Variants in SLC4A4 observed in about 807,000 individuals in gnomAD.
SLC4A4 encodes electrogenic sodium bicarbonate cotransporter 1.
In SLC4A4, 27 loss-of-function variants were observed where a neutral mutation model predicts 111.5. The ratio of observed to expected loss-of-function variants is 0.24; its 90% confidence interval spans 0.18 to 0.33. The LOEUF (loss-of-function observed/expected upper bound fraction) is 0.33, where lower values mean the gene tolerates loss of function less well. Among genes scored for constraint, SLC4A4 ranks in the 10% least tolerant of loss-of-function variants. SLC4A4 has a pLI of 1.00. For missense variants in SLC4A4, 909 were observed against 1,315.5 expected (o/e 0.69, Z 4.78); for synonymous variants, 443 against 463.4 (o/e 0.96, Z 0.57).
chr4:71,474,506 A>G (rs1177117794), intron 14 of SLC4A4, among the ~76,000 whole-genome samples: 3 of 151,882 alleles, frequency 2.0e-5, no homozygotes, highest in Admixed American at 6.6e-5. Context: ...TTGGTATGCA[A>G]TGCATTCTTC....
intron 9 of SLC4A4, among the ~76,000 whole-genome samples, chr4:71,449,675 CTT>C (rs1256763855): frequency 6.6e-6 from 1 of 152,136 alleles, no homozygotes; most frequent in Non-Finnish European, 1.5e-5. Flanking sequence ...GTATGAAAGA[CTT>C]AGGTTATATG....
rs1031114776 is a variant in SLC4A4 at position 71,417,610 on chromosome 4, G to T, written c.807+19957G>T. Reference sequence around the variant, plus strand: ...TTTTTCTTTAAATCTTTTTTAAAGTGCTGTTGTCTTTATTTGGTCTTCTCC... The same window carrying T: ...TTTTTCTTTAAATCTTTTTTAAAGTTCTGTTGTCTTTATTTGGTCTTCTCC... On this transcript the variant is annotated intron_variant, in intron 7 of 25. Coordinates refer to ENST00000264485, the MANE Select transcript of SLC4A4 (RefSeq NM_001098484.3). Among the ~76,000 whole-genome samples the T allele has an allele frequency of 4.6e-5, 7 of 152,108 alleles. 1 individual carries two copies. The highest frequency in any genetic ancestry group is 1.0e-4 in the Non-Finnish European group (7 of 68,030).
chr4:71,446,923 G>A (rs1445398390), intron 8 of SLC4A4, among the ~76,000 whole-genome samples: 1 of 152,242 alleles, frequency 6.6e-6, no homozygotes, highest in Non-Finnish European at 1.5e-5. Context: ...AACTTGGTTA[G>A]AGGTGAACCT....
intron 2 of SLC4A4, among the ~76,000 whole-genome samples, chr4:71,161,191 C>T (rs1744608813): frequency 6.6e-6 from 1 of 152,158 alleles, no homozygotes; most frequent in Non-Finnish European, 1.5e-5. Flanking sequence ...CCCTTCCCCA[C>T]AAAGCAAATA....
rs568102017 is a variant in SLC4A4 at position 71,329,142 on chromosome 4, T to C, written c.254-10228T>C. ...AGCTCACTGTAGATGTATGAGTTTG[T>C]TTCTGGGTTCTCTATTTATTCTGTT... On this transcript the variant is annotated intron_variant, in intron 3 of 25. Coordinates refer to ENST00000264485, the MANE Select transcript of SLC4A4 (RefSeq NM_001098484.3). Among the ~76,000 whole-genome samples the C allele has an allele frequency of 1.6e-4, 24 of 152,252 alleles. No homozygotes were observed. In the South Asian group the frequency reaches 5.0e-3, roughly 32 times the overall value.
intron 1 of SLC4A4, among the ~76,000 whole-genome samples, chr4:71,076,336 G>C (rs946354309): frequency 6.6e-6 from 1 of 152,098 alleles, no homozygotes; most frequent in South Asian, 2.1e-4. Flanking sequence ...TTCAAGACCA[G>C]CCTGGCCAAC....
At chr4:71,511,457 G>T (rs28523655) in intron 16 of SLC4A4, among the ~76,000 whole-genome samples, 19,472 of 151,510 alleles carry the variant, frequency 0.13, 1,550 homozygotes, top group Admixed American at 0.24. Flanking sequence ...ATTTTTTAAG[G>T]TGTCTTTAGT....
At chr4:71,354,259 T>G (rs1730092801) in intron 5 of SLC4A4, among the ~76,000 whole-genome samples, 1 of 152,234 alleles carries the variant, frequency 6.6e-6, no homozygotes, top group South Asian at 2.1e-4. Context: ...GCTCTATTTT[T>G]GGAGTCTCAT....
chr4:71,400,107 C>T (rs891802431), intron 7 of SLC4A4, among the ~76,000 whole-genome samples: 1 of 152,160 alleles, frequency 6.6e-6, no homozygotes, highest in African/African-American at 2.4e-5. Context: ...TACTAATTAG[C>T]TTAGGAATAT....
At chr4:71,100,316 G>A (rs556318375) in intron 2 of SLC4A4, among the ~76,000 whole-genome samples, 8 of 151,572 alleles carry the variant, frequency 5.3e-5, no homozygotes, top group African/African-American at 1.9e-4. Flanking sequence ...ATCAATAAAT[G>A]TGATTCATCA....
rs1354928816 is a variant in SLC4A4, at chr4:71,082,654, C to T, written c.-64-10076C>T. 2.0e-5 allele frequency among the ~76,000 whole-genome samples: 3 copies of T among 152,018 alleles called. 1 individual carries two copies. Among genetic ancestry groups the T allele is most frequent in the African/African-American group, 4.8e-5 (2 of 41,298 alleles). ...TTAATATAACAATACCATGTAGCCACCACTTACATTTAGTAAATGTTAACA... is the reference window on the plus strand; with the variant it reads ...TTAATATAACAATACCATGTAGCCATCACTTACATTTAGTAAATGTTAACA... On this transcript the variant is annotated intron_variant, in intron 1 of 26. Transcript: ENST00000649996.
chr4:71,384,408 T>A (rs76003331), intron 6 of SLC4A4, among the ~76,000 whole-genome samples: 3,211 of 152,232 alleles, frequency 0.021, 118 homozygotes, highest in East Asian at 0.14. Flanking sequence ...GTTGTGGGTG[T>A]CCTATAGTCA....
chr4:71,084,227 G>A (rs1490379809), intron 1 of SLC4A4, among the ~76,000 whole-genome samples: 5 of 151,706 alleles, frequency 3.3e-5, no homozygotes, highest in South Asian at 2.1e-4. Context: ...ATTAATAATC[G>A]GATGTAAAGA....
chr4:71,077,585 C>G (rs1480953351), intron 1 of SLC4A4, among the ~76,000 whole-genome samples: 1 of 152,204 alleles, frequency 6.6e-6, no homozygotes, highest in East Asian at 1.9e-4. Context: ...GGCTAATGGA[C>G]CAGCTACTTG....
intron 3 of SLC4A4, among the ~76,000 whole-genome samples, chr4:71,322,089 A>T (rs1727159511): frequency 6.6e-6 from 1 of 152,004 alleles, no homozygotes; most frequent in African/African-American, 2.4e-5. Context: ...TCTGTATTAC[A>T]TTCAGAGTTC....
intron 1 of SLC4A4, among the ~76,000 whole-genome samples, chr4:71,223,328 C>A (rs907531308): frequency 6.6e-6 from 1 of 151,844 alleles, no homozygotes; most frequent in Non-Finnish European, 1.5e-5. Flanking sequence ...GGCACCCACC[C>A]CCGCGCCTGT....
intron 1 of SLC4A4, among the ~76,000 whole-genome samples, chr4:71,068,987 G>A (rs1014922637): frequency 3.3e-5 from 5 of 152,214 alleles, no homozygotes; most frequent in African/African-American, 9.6e-5. Context: ...CAGTTGTGAT[G>A]TGTTGCTGCA....
chr4:71,316,785 A>G (rs141304011), intron 3 of SLC4A4, among the ~76,000 whole-genome samples: 1 of 152,114 alleles, frequency 6.6e-6, no homozygotes, highest in East Asian at 1.9e-4. Context: ...GCTCCTTCTT[A>G]TAAGTGAGAA....
At position 71,085,225 on chromosome 4, in the gene SLC4A4, A is replaced by G. The variant is rs535815765; in HGVS notation, c.-64-7505A>G. ...CTTCTTTTGAAAAGTGTCTGTTCATATCCTTCGCCCACTTTTTGATGGGTT... is the reference window on the plus strand; with the variant it reads ...CTTCTTTTGAAAAGTGTCTGTTCATGTCCTTCGCCCACTTTTTGATGGGTT... On this transcript the variant is annotated intron_variant, in intron 1 of 26. Coordinates refer to the SLC4A4 transcript ENST00000649996. Among the ~76,000 whole-genome samples the G allele has an allele frequency of 1.2e-4, 18 of 152,082 alleles. No homozygotes were observed. The South Asian group carries it at 3.7e-3, about 32-fold the overall frequency.
Sources: allele counts gnomAD v4.1 joint callset (sites outside exome capture counted in the v4.1 genomes callset), GRCh38; gene constraint gnomAD v4.1.1; transcripts MANE v1.5; gene names NCBI Gene and HGNC (gene_info 2026-07-23, HGNC 2026-07-21).